LIPC: variants seen among roughly 807,000 people sequenced by gnomAD.
LIPC encodes the protein hepatic triacylglycerol lipase.
Under a neutral mutation model 50.7 loss-of-function variants are expected in LIPC, and 44 were observed. The ratio of observed to expected loss-of-function variants is 0.87; its 90% CI spans 0.68 to 1.11. The LOEUF (loss-of-function observed/expected upper bound fraction) is 1.11, where lower values mean the gene tolerates loss of function less well. LIPC is among the 50% of genes most tolerant of loss of function. The probability of loss-of-function intolerance (pLI) is 0.00; values close to 1 mark genes in which losing one functional copy is unlikely to be tolerated. For missense variants in LIPC, 697 were observed against 648.2 expected, an observed-to-expected ratio of 1.08 and a Z score of -0.82; for synonymous variants, 271 against 256.4, an observed-to-expected ratio of 1.06 and a Z score of -0.54.
intron 2 of LIPC, 111 bp from the exon 3 acceptor site, chr15:58,541,674 A>G (rs1893328727): frequency 2.7e-6 from 3 of 1,119,932 alleles, no homozygotes; most frequent in Non-Finnish European, 3.9e-6. Context: ...TGCATGGCTG[A>G]GAAACGTCAT....
intron 4 of LIPC, among the ~76,000 whole-genome samples, chr15:58,544,739 G>A (rs12592139): frequency 0.054 from 8,281 of 152,216 alleles, 462 homozygotes; most frequent in East Asian, 0.26. Flanking sequence ...GCTGGAGAAC[G>A]GGTGATCTCA....
At chr15:58,533,985 C>A (rs1211094341) in intron 1 of LIPC, among the ~76,000 whole-genome samples, 1 of 152,110 alleles carries the variant, frequency 6.6e-6, no homozygotes, top group Non-Finnish European at 1.5e-5. Flanking sequence ...GGCCACTGGG[C>A]AGACAAAGGA....
chr15:58,490,572 C>T (rs1163469527), intron 1 of LIPC, among the ~76,000 whole-genome samples: 1 of 152,186 alleles, frequency 6.6e-6, no homozygotes, highest in Admixed American at 6.5e-5. Flanking sequence ...TGGCCCGTCA[C>T]GCCAGCACCA....
At chr15:58,500,446 G>T (rs1217313899) in intron 1 of LIPC, among the ~76,000 whole-genome samples, 1 of 152,162 alleles carries the variant, frequency 6.6e-6, no homozygotes. Flanking sequence ...ACAAGCAAAA[G>T]CAATAATCCA....
intron 1 of LIPC, among the ~76,000 whole-genome samples, chr15:58,463,869 C>T (rs1031813607): frequency 1.3e-5 from 2 of 152,088 alleles, no homozygotes; most frequent in African/African-American, 2.4e-5. Flanking sequence ...AGTTTGAGGT[C>T]AATACAAATA....
intron 6 of LIPC, among the ~76,000 whole-genome samples, chr15:58,555,993 C>G (rs1893934794): frequency 6.6e-6 from 1 of 152,150 alleles, no homozygotes; most frequent in South Asian, 2.1e-4. Flanking sequence ...CTAAGGGATC[C>G]CATCCTGGGG....
At chr15:58,519,290 A>T (rs1472783455) in intron 1 of LIPC, among the ~76,000 whole-genome samples, 2 of 151,978 alleles carry the variant, frequency 1.3e-5, no homozygotes, top group Non-Finnish European at 2.9e-5. Flanking sequence ...AGGTGCCTGT[A>T]GTCCCAGCTA....
chr15:58,446,495 G>A (rs1333020522), intron 1 of LIPC, among the ~76,000 whole-genome samples: 1 of 152,140 alleles, frequency 6.6e-6, no homozygotes, highest in Non-Finnish European at 1.5e-5. Flanking sequence ...TTCAGACTGG[G>A]ATCCACTCAA....
chr15:58,547,323 G>A (rs1595941119), intron 5 of LIPC, among the ~76,000 whole-genome samples: 1 of 152,218 alleles, frequency 6.6e-6, no homozygotes, highest in Non-Finnish European at 1.5e-5. Context: ...GTTAGTGGAT[G>A]TCTTGGAAGC....
chr15:58,441,051 CTT>C (rs1893491260), intron 1 of LIPC, among the ~76,000 whole-genome samples: 1 of 152,174 alleles, frequency 6.6e-6, no homozygotes. Flanking sequence ...GATTGATAGA[CTT>C]ATCTCAGCCT....
chr15:58,488,358 A>G (rs1250116813), intron 1 of LIPC, among the ~76,000 whole-genome samples: 1 of 152,202 alleles, frequency 6.6e-6, no homozygotes, highest in Non-Finnish European at 1.5e-5. Context: ...CCACTGAACT[A>G]CATGGAGGCA....
chr15:58,550,802 A>ACGTTGGC (rs200667744), intron 6 of LIPC, among the ~76,000 whole-genome samples: 4 of 132,118 alleles, frequency 3.0e-5, no homozygotes, highest in African/African-American at 1.2e-4. Flanking sequence ...GGCTTGTACC[A>ACGTTGGC]CACCCTCTCC....
intron 3 of LIPC, 147 bp downstream of exon 3, chr15:58,542,114 C>T (rs1893351618): frequency 3.1e-6 from 3 of 975,726 alleles, no homozygotes; most frequent in Non-Finnish European, 4.7e-6. Context: ...ACAGGACTGA[C>T]ACCAGACCCC....
intron 1 of LIPC, among the ~76,000 whole-genome samples, chr15:58,459,275 A>G (rs1012008554): frequency 1.6e-4 from 25 of 152,142 alleles, no homozygotes; most frequent in African/African-American, 6.0e-4. Context: ...TGACATAGAC[A>G]GTGTCTTTTT....
chr15:58,450,059 T>C (rs1374374841), intron 1 of LIPC, among the ~76,000 whole-genome samples: 2 of 151,976 alleles, frequency 1.3e-5, no homozygotes, highest in Non-Finnish European at 2.9e-5. Flanking sequence ...AGTAGAAAAA[T>C]TGCCCCTGTC....
intron 8 of LIPC, among the ~76,000 whole-genome samples, chr15:58,567,105 G>A (rs968534826): frequency 2.0e-5 from 3 of 150,796 alleles, no homozygotes; most frequent in Non-Finnish European, 4.4e-5. Context: ...GGGAGGCTGA[G>A]GCAAAGGAAT....
chr15:58,458,132 T>G (rs1413388056), intron 1 of LIPC, among the ~76,000 whole-genome samples: 1 of 151,168 alleles, frequency 6.6e-6, no homozygotes, highest in Non-Finnish European at 1.5e-5. Flanking sequence ...AGCACCTGTT[T>G]CCGTTTTTTT....
intron 6 of LIPC, among the ~76,000 whole-genome samples, chr15:58,553,355 G>T (rs764632414): frequency 2.0e-5 from 3 of 152,210 alleles, no homozygotes; most frequent in Non-Finnish European, 4.4e-5. Context: ...CAACACTCTG[G>T]GAGGCCAAGG....
chr15:58,560,800 A>G lies in LIPC; in HGVS notation c.1052-64A>G, dbSNP rs1385190438. The G allele has an allele frequency of 1.2e-5, 9 of 747,974 alleles. No homozygotes were observed. The East Asian group carries it at 2.1e-4, about 18-fold the overall frequency. The allele number at this position is 747,974 out of a possible 1,614,324, so 46.3% of individuals were successfully genotyped here. A position where few individuals can be genotyped will look rare whatever the true frequency, so the allele number is the denominator to read the frequency against. ...ATGTTTAAATTTTAAGAAATAAGAGATTTTTAAATTTAAAATCACTGCTTA... is the reference window on the plus strand; with the variant it reads ...ATGTTTAAATTTTAAGAAATAAGAGGTTTTTAAATTTAAAATCACTGCTTA... On this transcript the variant is annotated intron_variant, in intron 6 of 8. Transcript: ENST00000299022.
Sources: allele counts gnomAD v4.1 joint callset (sites outside exome capture counted in the v4.1 genomes callset), GRCh38; gene constraint gnomAD v4.1.1; transcripts MANE v1.5; gene names NCBI Gene and HGNC (gene_info 2026-07-23, HGNC 2026-07-21).